Variants in CDC42EP5 observed in about 807,000 individuals in gnomAD.
The protein encoded by CDC42EP5 is CDC42 effector protein 5, also known as CDC42 effector protein (Rho GTPase binding) 5.
For synonymous variants in CDC42EP5, 118 were observed against 123.3 expected, an observed-to-expected ratio of 0.96 and a Z score of 0.28; for missense variants, 269 against 238.0, an observed-to-expected ratio of 1.13 and a Z score of -0.86.
intron 2 of CDC42EP5, among the ~76,000 whole-genome samples, chr19:54,466,240 C>T (rs373086779): frequency 6.6e-6 from 1 of 151,952 alleles, no homozygotes; most frequent in Non-Finnish European, 1.5e-5. Flanking sequence ...GCCAGGAGTT[C>T]GAGACCAGCC....
chr19:54,468,888 A>ATTCCTTGCTTCCTTCCTTCCTTCCTTCC (rs2084790911), intron 2 of CDC42EP5, among the ~76,000 whole-genome samples: 5 of 116,286 alleles, frequency 4.3e-5, no homozygotes, highest in African/African-American at 1.6e-4. Context: ...AGATACTCTG[A>ATTCCTTGCTTCCTTCCTTCCTTCCTTCC]TTCCTTCCTT....
chr19:54,471,442 C>T (rs1286736882), intron 2 of CDC42EP5, 103 bp downstream of exon 2: 1 of 152,012 alleles, frequency 6.6e-6, no homozygotes, highest in African/African-American at 2.4e-5. Flanking sequence ...CCGGCGAGGG[C>T]TTCACTGCGC....
intron 2 of CDC42EP5, among the ~76,000 whole-genome samples, chr19:54,466,716 G>C (rs1238471864): frequency 6.6e-6 from 1 of 152,044 alleles, no homozygotes; most frequent in East Asian, 1.9e-4. Flanking sequence ...ATGAGTACAA[G>C]TTTCAAACAA....
At chr19:54,468,920 C>CTTCCTTCCTTCCTTTCTTTCTTTCT (rs753994637) in intron 2 of CDC42EP5, among the ~76,000 whole-genome samples, 1 of 123,904 alleles carries the variant, frequency 8.1e-6, no homozygotes, top group Non-Finnish European at 1.7e-5. Flanking sequence ...TCCTTCCTTC[C>CTTCCTTCCTTCCTTTCTTTCTTTCT]TTCTTTCTTT....
Position 54,465,333 on chromosome 19 carries a change from G to A in CDC42EP5, c.215C>T (p.Pro72Leu). 1.7e-6 allele frequency: 2 copies of A among 1,179,930 alleles called. No homozygotes were observed. Among genetic ancestry groups the A allele is most frequent in the Non-Finnish European group, 1.0e-6 (1 of 954,928 alleles). The allele number at this position is 1,179,930 out of a possible 1,614,324, so 73.1% of individuals were successfully genotyped here. A position where few individuals can be genotyped will look rare whatever the true frequency, so the allele number is the denominator to read the frequency against. The part of the protein sequence containing the change: ...APPAGAPRSP[P>L]PPAVPQSAAP... ...TGCGGACTGCGGGACGGCGGGCGGCGGCGGGGAGCGCGGGGCCCCCGCGGG... is the reference window on the plus strand; with the variant it reads ...TGCGGACTGCGGGACGGCGGGCGGCAGCGGGGAGCGCGGGGCCCCCGCGGG... The change falls in exon 3 of 3, where the codon CCG becomes CTG. Residue 72 changes from proline to leucine, a missense_variant. Transcript: ENST00000301200.
intron 2 of CDC42EP5, among the ~76,000 whole-genome samples, chr19:54,467,880 C>T (rs781534287): frequency 6.6e-6 from 1 of 152,150 alleles, no homozygotes; most frequent in Admixed American, 6.6e-5. Context: ...CTGGTCATTG[C>T]ATGTTTTGTG....
intron 2 of CDC42EP5, among the ~76,000 whole-genome samples, chr19:54,469,391 C>T (rs1337370223): frequency 6.6e-6 from 1 of 152,126 alleles, no homozygotes; most frequent in African/African-American, 2.4e-5. Flanking sequence ...AAAAAAAATC[C>T]TCTCTAGCTG....
In CDC42EP5 at chr19:54,465,133, C is replaced by A; in HGVS notation, c.415G>T (p.Asp139Tyr). The A allele has an allele frequency of 2.2e-6, 3 of 1,391,540 alleles. No individual in the cohort carries two copies. The highest frequency in any genetic ancestry group is 2.8e-6 in the Non-Finnish European group (3 of 1,078,616). The allele number at this position is 1,391,540 out of a possible 1,614,324, so 86.2% of individuals were successfully genotyped here. A position where few individuals can be genotyped will look rare whatever the true frequency, so the allele number is the denominator to read the frequency against. ...PPQARCRPNADLELNDVIGL is the reference protein window; with the variant it reads ...PPQARCRPNAYLELNDVIGL The stretch of plus-strand genomic sequence containing the variant: ...CCGATGACGTCGTTCAGCTCGAGGT[C>A]CGCGTTGGGGCGGCAGCGGGCCTGG... The change falls in exon 3 of 3, where the codon GAC (aspartate) becomes TAC (tyrosine). Residue 139 changes from aspartate (D) to tyrosine (Y), a missense_variant. Transcript: ENST00000301200.
At chr19:54,465,755 T>A (rs996439354) in intron 2 of CDC42EP5, among the ~76,000 whole-genome samples, 9 of 152,126 alleles carry the variant, frequency 5.9e-5, no homozygotes, top group African/African-American at 2.2e-4. Flanking sequence ...TCCTCCTCAG[T>A]CTCCCGAGTA....
chr19:54,470,538 GAAA>G (rs2084820617), intron 2 of CDC42EP5, among the ~76,000 whole-genome samples: 1 of 148,022 alleles, frequency 6.8e-6, no homozygotes, highest in Non-Finnish European at 1.5e-5. Flanking sequence ...AGGAAGGAAG[GAAA>G]AAGAAAGAAA....
intron 2 of CDC42EP5, among the ~76,000 whole-genome samples, chr19:54,466,753 CATTGT>C (rs1171774796): frequency 6.6e-6 from 1 of 152,106 alleles, no homozygotes; most frequent in Non-Finnish European, 1.5e-5. Context: ...AAAGCATTTA[CATTGT>C]ATTATGCATT....
intron 2 of CDC42EP5, among the ~76,000 whole-genome samples, chr19:54,470,189 G>A (rs1169324258): frequency 6.6e-6 from 1 of 151,772 alleles, no homozygotes; most frequent in Non-Finnish European, 1.5e-5. Flanking sequence ...GCAACAAAGT[G>A]AGATGATCTC....
intron 2 of CDC42EP5, 94 bp downstream of exon 2, chr19:54,471,451 G>T (rs1216363061): frequency 6.6e-6 from 1 of 151,992 alleles, no homozygotes; most frequent in African/African-American, 2.4e-5. Context: ...GCTTCACTGC[G>T]CGCTTCCTGC....
intron 2 of CDC42EP5, among the ~76,000 whole-genome samples, chr19:54,468,905 T>TTCCC (rs2084793440): frequency 7.0e-6 from 1 of 143,278 alleles, no homozygotes; most frequent in Non-Finnish European, 1.5e-5. Context: ...CCTTCCTTCC[T>TTCCC]TCCTTCCTTC....
chr19:54,468,651 C>G (rs1317539183), intron 2 of CDC42EP5, among the ~76,000 whole-genome samples: 1 of 152,034 alleles, frequency 6.6e-6, no homozygotes, highest in Admixed American at 6.6e-5. Context: ...TCAAGCGATC[C>G]TCCCACCTCA....
intron 2 of CDC42EP5, among the ~76,000 whole-genome samples, chr19:54,467,152 T>G (rs192346559): frequency 8.6e-5 from 13 of 150,800 alleles, no homozygotes; most frequent in African/African-American, 3.2e-4. Context: ...TCTAAAATAA[T>G]AATATAAATT....
At position 54,468,920 on chromosome 19, in the gene CDC42EP5, C is replaced by CTTCCTTCCTTCCTTCCTTCCTTCT. The variant is rs753994637; in HGVS notation, c.-1+2624_-1+2625insAGAAGGAAGGAAGGAAGGAAGGAA. 1.0e-3 allele frequency among the ~76,000 whole-genome samples: 124 copies of CTTCCTTCCTTCCTTCCTTCCTTCT among 123,996 alleles called. 2 individuals are homozygous for CTTCCTTCCTTCCTTCCTTCCTTCT. In the South Asian group the frequency reaches 0.012, roughly 12 times the overall value. The allele number at this position is 123,996 out of a possible 152,430, so 81.3% of individuals were successfully genotyped here. ...CCTTCCTTCCTTCCTTCCTTCCTTC[C>CTTCCTTCCTTCCTTCCTTCCTTCT]TTCTTTCTTTCTTTTCTTCCCTCCC... On this transcript the variant is annotated intron_variant, in intron 2 of 2. Transcript: ENST00000301200.
At chr19:54,470,254 T>C (rs542445345) in intron 2 of CDC42EP5, among the ~76,000 whole-genome samples, 1 of 151,766 alleles carries the variant, frequency 6.6e-6, no homozygotes, top group South Asian at 2.1e-4. Context: ...CACCTGCAGT[T>C]CCAGCTACCT....
At chr19:54,467,452 C>CA (rs949104062) in intron 2 of CDC42EP5, among the ~76,000 whole-genome samples, 129 of 127,818 alleles carry the variant, frequency 1.0e-3, no homozygotes, top group Middle Eastern at 4.2e-3. Flanking sequence ...GACTCTGTCT[C>CA]AAAAAAAAAA....
Sources: gnomAD v4.1 joint callset for allele counts (sites outside exome capture counted in the v4.1 genomes callset) on GRCh38, gnomAD v4.1.1 for gene constraint, MANE v1.5 for transcripts, NCBI Gene and HGNC (gene_info 2026-07-23, HGNC 2026-07-21) for gene names.